The following DMD variants were observed in gnomAD, a reference collection of about 807,000 sequenced individuals.
DMD encodes the protein mutant dystrophin.
In DMD, 63 loss-of-function variants were observed where a neutral mutation model predicts 330.1. That is an observed-to-expected ratio of 0.19 (90% CI 0.16 to 0.24). The LOEUF (loss-of-function observed/expected upper bound fraction) is 0.24, where lower values mean the gene tolerates loss of function less well. Among genes scored for constraint, DMD ranks in the 10% least tolerant of loss-of-function variants. The pLI is 1.00. For synonymous variants in DMD, 1,223 were observed against 959.8 expected (o/e 1.27, Z -5.07); for missense variants, 3,344 against 2,684.1 (o/e 1.25, Z -5.43).
At chrX:33,030,462 GATTT>G (rs1446799365) in intron 1 of DMD, among the ~76,000 whole-genome samples, 1 of 112,092 alleles carries the variant, frequency 8.9e-6, no homozygotes, top group Non-Finnish European at 1.9e-5. Flanking sequence ...TTTATAAAGT[GATTT>G]CAAATATCTC....
chrX:31,783,552 G>T (rs1325723825), intron 50 of DMD, among the ~76,000 whole-genome samples: 2 of 111,092 alleles, frequency 1.8e-5, no homozygotes, highest in Admixed American at 1.9e-4. Context: ...CAAGACCAAA[G>T]GTCTGAAAAA....
intron 50 of DMD, among the ~76,000 whole-genome samples, chrX:31,801,600 C>G (rs988944519): frequency 2.2e-5 from 2 of 91,489 alleles, no homozygotes; most frequent in Non-Finnish European, 4.3e-5. Flanking sequence ...CCAACACACA[C>G]ACAATAGTAA....
intron 25 of DMD, among the ~76,000 whole-genome samples, chrX:32,455,867 G>A (rs745482431): frequency 4.4e-4 from 49 of 111,052 alleles, no homozygotes; most frequent in African/African-American, 1.5e-3. Flanking sequence ...AAAGCCTCAC[G>A]CATTTTTGAA....
chrX:31,791,173 C>A (rs1406534732), intron 50 of DMD, among the ~76,000 whole-genome samples: 1 of 111,938 alleles, frequency 8.9e-6, no homozygotes, highest in East Asian at 2.8e-4. Flanking sequence ...AAGTCGTACT[C>A]TTTACTCTTA....
chrX:33,291,671 A>G (rs1234151680), intron 1 of DMD, among the ~76,000 whole-genome samples: 1 of 111,484 alleles, frequency 9.0e-6, no homozygotes, highest in African/African-American at 3.3e-5. Flanking sequence ...CTATTTCCAA[A>G]CGACAGTTTT....
intron 43 of DMD, among the ~76,000 whole-genome samples, chrX:32,229,509 C>T (rs1281800874): frequency 9.5e-6 from 1 of 104,972 alleles, no homozygotes; most frequent in African/African-American, 3.4e-5. Flanking sequence ...CCATGAGAAC[C>T]TTTCTGATAC....
chrX:32,293,917 G>T (rs748761764), intron 42 of DMD, among the ~76,000 whole-genome samples: 2 of 111,783 alleles, frequency 1.8e-5, no homozygotes, highest in African/African-American at 3.3e-5. Context: ...CGTATCTCTA[G>T]TATTATTTCT....
intron 43 of DMD, among the ~76,000 whole-genome samples, chrX:32,244,329 A>C (rs760959601): frequency 9.2e-4 from 89 of 96,874 alleles, no homozygotes; most frequent in African/African-American, 3.3e-3. Context: ...CATGGTGTAT[A>C]TGTGCCACAT....
At chrX:32,341,809 T>G (rs2097744535) in intron 41 of DMD, among the ~76,000 whole-genome samples, 1 of 111,754 alleles carries the variant, frequency 8.9e-6, no homozygotes, top group Non-Finnish European at 1.9e-5. Flanking sequence ...AATTGACAAA[T>G]TAACATTGCC....
chrX:32,024,180 T>G, intron 44 of DMD, among the ~76,000 whole-genome samples: 1 of 112,290 alleles, frequency 8.9e-6, no homozygotes, highest in Non-Finnish European at 1.9e-5. Flanking sequence ...GCATGTGTAC[T>G]TCGCTTAAAA....
intron 1 of DMD, among the ~76,000 whole-genome samples, chrX:33,300,856 A>G (rs141900866): frequency 0.017 from 1,861 of 112,145 alleles, 12 homozygotes; most frequent in South Asian, 0.077. Context: ...CTCTTCCCCA[A>G]TGTAAACTTC....
At chrX:32,984,975 G>A (rs1024024914) in intron 2 of DMD, among the ~76,000 whole-genome samples, 4 of 111,666 alleles carry the variant, frequency 3.6e-5, no homozygotes, top group East Asian at 2.8e-4. Context: ...TCAACCTCCC[G>A]ATATTTAATT....
chrX:32,376,545 G>T (rs2097903626), intron 34 of DMD, among the ~76,000 whole-genome samples: 1 of 110,985 alleles, frequency 9.0e-6, no homozygotes, highest in African/African-American at 3.3e-5. Context: ...AATAGGCGAT[G>T]AAATACTATT....
intron 1 of DMD, among the ~76,000 whole-genome samples, chrX:33,223,136 C>T (rs920299582): frequency 1.8e-5 from 2 of 110,874 alleles, no homozygotes; most frequent in Admixed American, 9.6e-5. Flanking sequence ...ATCATGAAGC[C>T]CCGTCTGTAC....
chrX:32,733,640 GAAC>G (rs746956379), intron 7 of DMD, among the ~76,000 whole-genome samples: 1 of 111,535 alleles, frequency 9.0e-6, no homozygotes, highest in East Asian at 2.8e-4. Context: ...CATGGAAACT[GAAC>G]AACCTCCTCC....
chrX:33,279,390 C>T (rs755319888), intron 1 of DMD, among the ~76,000 whole-genome samples: 31 of 109,989 alleles, frequency 2.8e-4, no homozygotes, highest in Non-Finnish European at 4.0e-4. Flanking sequence ...CCAGGTTTAT[C>T]CAATAGTTAA....
chrX:32,506,306 C>G lies in DMD; in HGVS notation c.2293-4464G>C, dbSNP rs2044614983. Among the ~76,000 whole-genome samples the G allele has an allele frequency of 2.8e-5, 3 of 108,257 alleles. No individual in the cohort carries two copies. In the Admixed American group the frequency reaches 3.0e-4, roughly 11 times the overall value. The allele number at this position is 108,257 out of a possible 115,157, so 94.0% of individuals were successfully genotyped here. On this transcript the variant is annotated intron_variant, in intron 18 of 78. Coordinates refer to ENST00000357033, the MANE Select transcript of DMD (RefSeq NM_004006.3). ...GTTATATGGGAAATTTTTGTACCTTCTGTTCAATTGTGCTGTGAACCTATA... is the reference window on the plus strand; with the variant it reads ...GTTATATGGGAAATTTTTGTACCTTGTGTTCAATTGTGCTGTGAACCTATA...
intron 11 of DMD, among the ~76,000 whole-genome samples, chrX:32,638,914 C>G (rs952084819): frequency 9.0e-6 from 1 of 111,221 alleles, no homozygotes; most frequent in Non-Finnish European, 1.9e-5. Context: ...AAGAGATGAG[C>G]CATATTTGTT....
chrX:31,327,329 G>A (rs1472290685), intron 61 of DMD, among the ~76,000 whole-genome samples: 3 of 111,994 alleles, frequency 2.7e-5, no homozygotes, highest in African/African-American at 9.7e-5. Context: ...CCTTCCTTGA[G>A]GTGACAGGAT....
Sources: allele counts gnomAD v4.1 joint callset (sites outside exome capture counted in the v4.1 genomes callset), GRCh38; gene constraint gnomAD v4.1.1; transcripts MANE v1.5; gene names NCBI Gene and HGNC (gene_info 2026-07-23, HGNC 2026-07-21).